Variants in ADGRG7 observed in about 807,000 individuals in gnomAD.
The protein encoded by ADGRG7 is adhesion G protein-coupled receptor G7, also known as G-protein coupled receptor 128.
ADGRG7 carries 82 observed loss-of-function variants against 88.6 expected under a neutral mutation model. The observed-to-expected ratio is 0.93, with a 90% CI of 0.77 to 1.11. The LOEUF is 1.11. Ranked by LOEUF, ADGRG7 falls within the 50% of genes most tolerant of loss-of-function variation. The probability of loss-of-function intolerance (pLI) is 0.00; values close to 1 mark genes in which losing one functional copy is unlikely to be tolerated. For missense variants in ADGRG7, 945 were observed against 953.4 expected, an observed-to-expected ratio of 0.99 and a Z score of 0.12; for synonymous variants, 381 against 345.2, an observed-to-expected ratio of 1.10 and a Z score of -1.15.
chr3:100,637,292 T>C lies in ADGRG7; in HGVS notation c.598-10T>C, dbSNP rs1707561153. The stretch of plus-strand genomic sequence containing the variant: ...TGCTTCTCTGATGATCAGTATCTTC[T>C]CTTTGGCAGGCAAAGAAAGTTGCCA... On this transcript the variant is annotated splice_polypyrimidine_tract_variant and intron_variant, in intron 5 of 15. Coordinates refer to ENST00000273352, the MANE Select transcript of ADGRG7 (RefSeq NM_032787.3). 1 of 1,586,162 alleles carries C rather than the reference T, an allele frequency of 6.3e-7. No homozygotes were observed. The highest frequency in any genetic ancestry group is 1.7e-5 in the Admixed American group (1 of 59,972).
chr3:100,684,997 AG>A (rs2094979751), intron 15 of ADGRG7, among the ~76,000 whole-genome samples: 1 of 152,098 alleles, frequency 6.6e-6, no homozygotes, highest in Non-Finnish European at 1.5e-5. Context: ...TTATAATACT[AG>A]ATTATGTTTG....
chr3:100,637,613 C>A, intron 6 of ADGRG7: 1 of 504,232 alleles, frequency 2.0e-6, no homozygotes, highest in Non-Finnish European at 3.6e-6. Flanking sequence ...GGGTGCTGGC[C>A]ATGGCCTGGG....
chr3:100,680,756 T>G (rs1181688850), intron 15 of ADGRG7, among the ~76,000 whole-genome samples: 1 of 152,168 alleles, frequency 6.6e-6, no homozygotes, highest in Non-Finnish European at 1.5e-5. Context: ...TCCTCCGTTC[T>G]CTCATAGTAT....
chr3:100,678,564 G>A (rs867676736), intron 15 of ADGRG7, among the ~76,000 whole-genome samples: 2 of 152,142 alleles, frequency 1.3e-5, no homozygotes, highest in South Asian at 4.1e-4. Flanking sequence ...GTCTAGGCTT[G>A]TTTGTACCTG....
At position 100,656,000 on chromosome 3, in the gene ADGRG7, GTTTATATTT is replaced by G. The variant is rs757688322; in HGVS notation, c.1823+9_1823+17del. The G allele has an allele frequency of 1.3e-6, 2 of 1,573,750 alleles. No homozygotes were observed. The highest frequency in any genetic ancestry group is 2.2e-5 in the South Asian group (2 of 89,962). ...AGACTACCGGCAAGAGAAAATGTGA[GTTTATATTT>G]TTTTAAATGTCCAATTGTTTGACCT... is the stretch of plus-strand genomic sequence containing the variant. On this transcript the variant is annotated splice_donor_region_variant and intron_variant, in intron 13 of 15. Transcript: ENST00000273352.
rs1468604709 is a variant in ADGRG7, at chr3:100,637,295, T to C, written c.598-7T>C. The C allele has an allele frequency of 1.3e-6, 2 of 1,596,928 alleles. No individual in the cohort carries two copies. Among genetic ancestry groups the C allele is most frequent in the Non-Finnish European group, 8.6e-7 (1 of 1,164,690 alleles). On this transcript the variant is annotated splice_polypyrimidine_tract_variant and splice_region_variant and intron_variant, in intron 5 of 15. Transcript: ENST00000273352. ...TTCTCTGATGATCAGTATCTTCTCTTTGGCAGGCAAAGAAAGTTGCCATAG... is the reference window on the plus strand; with the variant it reads ...TTCTCTGATGATCAGTATCTTCTCTCTGGCAGGCAAAGAAAGTTGCCATAG...
intron 1 of ADGRG7, among the ~76,000 whole-genome samples, chr3:100,628,619 G>A (rs144221805): frequency 6.6e-6 from 1 of 152,130 alleles, no homozygotes; most frequent in Admixed American, 6.5e-5. Flanking sequence ...GCCTCCCAAA[G>A]TGTTGGGATT....
At chr3:100,670,402 A>G (rs1559686933) in intron 15 of ADGRG7, among the ~76,000 whole-genome samples, 1 of 152,106 alleles carries the variant, frequency 6.6e-6, no homozygotes, top group Non-Finnish European at 1.5e-5. Context: ...ATCTTTATCC[A>G]TTCGTCTGTT....
chr3:100,671,054 T>C (rs1436707190), intron 15 of ADGRG7, among the ~76,000 whole-genome samples: 1 of 152,212 alleles, frequency 6.6e-6, no homozygotes, highest in Non-Finnish European at 1.5e-5. Context: ...TATAATCCTT[T>C]GGGTATATAC....
In ADGRG7 at chr3:100,668,945, C is replaced by G; in HGVS notation, c.1980-4C>G. Reference sequence around the variant, plus strand: ...CATTATTTTTCTTGTTTTCTTTCACCTAGCACAAAAAAAGTTTCATCCATG... The same window carrying G: ...CATTATTTTTCTTGTTTTCTTTCACGTAGCACAAAAAAAGTTTCATCCATG... On this transcript the variant is annotated splice_polypyrimidine_tract_variant and splice_region_variant and intron_variant, in intron 14 of 15. Coordinates refer to ENST00000273352, the MANE Select transcript of ADGRG7 (RefSeq NM_032787.3). 6.3e-7 allele frequency: 1 copy of G among 1,575,494 alleles called. No individual in the cohort carries two copies. Among genetic ancestry groups the G allele is most frequent in the Non-Finnish European group, 8.6e-7 (1 of 1,163,900 alleles).
intron 1 of ADGRG7, among the ~76,000 whole-genome samples, chr3:100,610,465 T>C (rs1707131097): frequency 6.6e-6 from 1 of 152,234 alleles, no homozygotes; most frequent in Non-Finnish European, 1.5e-5. Flanking sequence ...ATGGTTTGCA[T>C]ACAAATTTCC....
At chr3:100,687,421 G>A (rs1378135468) in intron 15 of ADGRG7, among the ~76,000 whole-genome samples, 1 of 152,114 alleles carries the variant, frequency 6.6e-6, no homozygotes. Flanking sequence ...ATGTTGAATA[G>A]GAGTGGTGAC....
intron 13 of ADGRG7, among the ~76,000 whole-genome samples, chr3:100,656,685 A>G (rs142455366): frequency 2.6e-5 from 4 of 152,240 alleles, no homozygotes; most frequent in Non-Finnish European, 4.4e-5. Flanking sequence ...TTATAAATCT[A>G]ACTATTCATA....
At chr3:100,635,410 A>G (rs1380327722) in intron 4 of ADGRG7, 4 of 412,062 alleles carry the variant, frequency 9.7e-6, no homozygotes, top group East Asian at 5.3e-5. Context: ...GCGCTGGCCC[A>G]TGGATACACT....
At chr3:100,645,731 A>G (rs1313476751) in intron 8 of ADGRG7, among the ~76,000 whole-genome samples, 1 of 152,086 alleles carries the variant, frequency 6.6e-6, no homozygotes, top group East Asian at 1.9e-4. Flanking sequence ...ACTGAAGCTC[A>G]GAAAAAAAAA....
intron 5 of ADGRG7, among the ~76,000 whole-genome samples, chr3:100,636,108 G>T (rs1398436333): frequency 3.3e-5 from 5 of 152,168 alleles, no homozygotes; most frequent in Non-Finnish European, 5.9e-5. Flanking sequence ...AGGCTGGAGT[G>T]CAGTGGCACG....
intron 2 of ADGRG7, 45 bp downstream of exon 2, chr3:100,629,756 CTT>C (rs751665958): frequency 7.9e-7 from 1 of 1,271,874 alleles, no homozygotes; most frequent in African/African-American, 1.5e-5. Context: ...TTACGTCACT[CTT>C]GTGTTAATAA....
In ADGRG7 at chr3:100,649,860, T is replaced by G. The variant is rs1176592224; in HGVS notation, c.1379+53T>G. ...AAGAGAAATTGCTATCTTGATATAA[T>G]TTACTCTGAGAATTCTCATGAGTAG... On this transcript the variant is annotated intron_variant, in intron 11 of 15. Transcript: ENST00000273352. 6.0e-6 allele frequency: 6 copies of G among 1,005,920 alleles called. No individual in the cohort carries two copies. In the South Asian group the frequency reaches 7.0e-5, roughly 12 times the overall value. The allele number at this position is 1,005,920 out of a possible 1,614,324, so 62.3% of individuals were successfully genotyped here. A position where few individuals can be genotyped will look rare whatever the true frequency, so the allele number is the denominator to read the frequency against.
Position 100,669,109 on chromosome 3 carries a change from T to C in ADGRG7, c.2136+4T>C. 3.3e-6 allele frequency: 5 copies of C among 1,534,864 alleles called. No homozygotes were observed. Among genetic ancestry groups the C allele is most frequent in the Non-Finnish European group, 3.5e-6 (4 of 1,141,634 alleles). On this transcript the variant is annotated splice_donor_region_variant and intron_variant, in intron 15 of 15. Coordinates refer to ENST00000273352, the MANE Select transcript of ADGRG7 (RefSeq NM_032787.3). Reference sequence around the variant, plus strand: ...CTGCCTTTTCAACACTACACAGGTATGGTGCGGATTAGTCTGAAAGTAGCA... The same window carrying C: ...CTGCCTTTTCAACACTACACAGGTACGGTGCGGATTAGTCTGAAAGTAGCA...
Sources: allele counts gnomAD v4.1 joint callset (sites outside exome capture counted in the v4.1 genomes callset), GRCh38; gene constraint gnomAD v4.1.1; transcripts MANE v1.5; gene names NCBI Gene and HGNC (gene_info 2026-07-23, HGNC 2026-07-21).